Variants in LIMA1 observed in about 807,000 individuals in gnomAD.
The protein encoded by LIMA1 is LIM domain and actin-binding protein 1.
LIMA1 carries 52 observed loss-of-function variants against 62.6 expected under a neutral mutation model. That is an observed-to-expected ratio of 0.83 (90% CI 0.67 to 1.05). The LOEUF (loss-of-function observed/expected upper bound fraction) is 1.05, where lower values mean the gene tolerates loss of function less well. Ranked by LOEUF, LIMA1 falls within the 50% of genes least tolerant of loss-of-function variation. The pLI is 0.00. For missense variants in LIMA1, 780 were observed against 902.2 expected (o/e 0.86, Z 1.74); for synonymous variants, 302 against 317.8 (o/e 0.95, Z 0.53).
At position 50,195,891 on chromosome 12, in the gene LIMA1, CAAAA is replaced by C. The variant is rs373254884; in HGVS notation, c.973-8_973-5del. ...GGCTATTCTCATTTGCAGAAATCTA[CAAAA>C]AAAAAAAAAAAAAAAAAGTTAGAGG... On this transcript the variant is annotated splice_polypyrimidine_tract_variant and splice_region_variant and intron_variant, in intron 7 of 10. Coordinates refer to ENST00000341247, the MANE Select transcript of LIMA1 (RefSeq NM_016357.5). 542 of 1,095,182 alleles carry C rather than the reference CAAAA, an allele frequency of 4.9e-4. No individual in the cohort carries two copies. Among genetic ancestry groups the C allele is most frequent in the African/African-American group, 2.7e-3 (102 of 38,456 alleles). 67.8% of individuals were successfully genotyped at this position (1,095,182 alleles called of 1,614,324 possible).
chr12:50,216,350 G>C (rs867305921), intron 4 of LIMA1, among the ~76,000 whole-genome samples: 1 of 152,010 alleles, frequency 6.6e-6, no homozygotes, highest in South Asian at 2.1e-4. Flanking sequence ...GAGCAGCTGG[G>C]ATTACAGACA....
chr12:50,252,959 A>G (rs12809843), intron 1 of LIMA1, among the ~76,000 whole-genome samples: 3,899 of 152,306 alleles, frequency 0.026, 75 homozygotes, highest in Non-Finnish European at 0.039. Context: ...AGATCCTGAA[A>G]CTAAGTGAGA....
chr12:50,245,704 A>T (rs1941838526), intron 2 of LIMA1, among the ~76,000 whole-genome samples: 2 of 151,368 alleles, frequency 1.3e-5, no homozygotes, highest in Non-Finnish European at 2.9e-5. Context: ...CAGCACCCCC[A>T]GTGAGAAACA....
intron 7 of LIMA1, among the ~76,000 whole-genome samples, chr12:50,200,004 C>G (rs1271023845): frequency 6.6e-6 from 1 of 151,928 alleles, no homozygotes; most frequent in Admixed American, 6.6e-5. Context: ...AGCGATTCAA[C>G]TGTCTCAGCC....
rs887257768 is a variant in LIMA1, at chr12:50,229,923, G to C, written c.165+1742C>G. 5 of 152,564 alleles carry C rather than the reference G, an allele frequency of 3.3e-5. No individual in the cohort carries two copies. In the East Asian group the frequency reaches 9.6e-4, roughly 29 times the overall value. 9.5% of individuals were successfully genotyped at this position (152,564 alleles called of 1,614,324 possible). ...CCCTGGCTCATGTCTTCAAATCTCT[G>C]CTCAAACGTTTCCTCACCACAGGCC... On this transcript the variant is annotated intron_variant, in intron 3 of 10. Transcript: ENST00000341247.
Position 50,176,312 on chromosome 12 carries a change from T to C in LIMA1, c.*752A>G, listed in dbSNP as rs965533513. On this transcript the variant is annotated 3_prime_UTR_variant, in exon 11 of 11. Transcript: ENST00000341247. ...TCAGTAATTATGAGAAGCACAGATATCACCAGAAAAGAAAGCAATCATTTG... is the reference window on the plus strand; with the variant it reads ...TCAGTAATTATGAGAAGCACAGATACCACCAGAAAAGAAAGCAATCATTTG... 6.6e-6 allele frequency: 1 copy of C among 152,178 alleles called. No individual in the cohort carries two copies. Among genetic ancestry groups the C allele is most frequent in the Admixed American group, 6.5e-5 (1 of 15,270 alleles). 9.4% of individuals were successfully genotyped at this position (152,178 alleles called of 1,614,324 possible).
At chr12:50,196,502 G>A (rs1391940769) in intron 7 of LIMA1, among the ~76,000 whole-genome samples, 1 of 152,124 alleles carries the variant, frequency 6.6e-6, no homozygotes, top group Non-Finnish European at 1.5e-5. Context: ...ACGTATAGGT[G>A]TATATATCAT....
Position 50,195,768 on chromosome 12 carries a change from C to G in LIMA1, c.1030+62G>C, listed in dbSNP as rs541384011. On this transcript the variant is annotated intron_variant, in intron 8 of 10. Coordinates refer to ENST00000341247, the MANE Select transcript of LIMA1 (RefSeq NM_016357.5). ...AGCACTGACAGTAATGGGAACACCC[C>G]TGAACCAAATACAGATAGAAAACAA... The G allele has an allele frequency of 1.9e-4, 292 of 1,534,638 alleles. 4 individuals carry two copies. The South Asian group carries it at 3.4e-3, about 18-fold the overall frequency.
chr12:50,240,045 AC>A lies in LIMA1; in HGVS notation c.120-8336del, dbSNP rs879307669. Among the ~76,000 whole-genome samples the A allele has an allele frequency of 4.1e-3, 616 of 150,872 alleles. 8 individuals are homozygous for A. The highest frequency in any genetic ancestry group is 0.038 in the East Asian group (197 of 5,130). On this transcript the variant is annotated intron_variant, in intron 2 of 10. Coordinates refer to ENST00000341247, the MANE Select transcript of LIMA1 (RefSeq NM_016357.5). The stretch of plus-strand genomic sequence containing the variant: ...ACATAACATAACATAACATAACATA[AC>A]ATAACATAACATAAAATAAAAAATT...
rs1229932042 is a variant in LIMA1, at chr12:50,190,804, T to TA, written c.1140+1647dup. 3.5e-3 allele frequency among the ~76,000 whole-genome samples: 418 copies of TA among 119,674 alleles called. 1 individual carries two copies. Among genetic ancestry groups the TA allele is most frequent in the African/African-American group, 0.01 (328 of 31,958 alleles). The allele number at this position is 119,674 out of a possible 152,430, so 78.5% of individuals were successfully genotyped here. ...TGACATTGTTGTAAACAACAGGTCC[T>TA]AAAAAAAAAAAAAAGTGGGAACAAC... is the stretch of plus-strand genomic sequence containing the variant. On this transcript the variant is annotated intron_variant, in intron 9 of 10. Coordinates refer to ENST00000341247, the MANE Select transcript of LIMA1 (RefSeq NM_016357.5).
chr12:50,281,163 T>C (rs1412889807), intron 1 of LIMA1, among the ~76,000 whole-genome samples: 1 of 152,150 alleles, frequency 6.6e-6, no homozygotes, highest in Non-Finnish European at 1.5e-5. Flanking sequence ...TTTGTGTCTG[T>C]GTGTGTGTCT....
chr12:50,267,599 A>C (rs1942155286), intron 1 of LIMA1, among the ~76,000 whole-genome samples: 1 of 151,456 alleles, frequency 6.6e-6, no homozygotes, highest in Non-Finnish European at 1.5e-5. Context: ...GGCTCACTAC[A>C]ACCTCCACTT....
intron 3 of LIMA1, among the ~76,000 whole-genome samples, chr12:50,225,447 ATATG>A (rs1941513275): frequency 6.6e-6 from 1 of 152,090 alleles, no homozygotes; most frequent in African/African-American, 2.4e-5. Context: ...TTTGTACACT[ATATG>A]TATTTTTTTG....
intron 4 of LIMA1, among the ~76,000 whole-genome samples, chr12:50,221,150 A>G (rs1239985217): frequency 6.6e-6 from 1 of 152,154 alleles, no homozygotes; most frequent in Admixed American, 6.6e-5. Context: ...CTTAAAAAAA[A>G]TCCAGCTTTC....
chr12:50,215,914 G>A (rs1941337946), intron 4 of LIMA1, among the ~76,000 whole-genome samples: 1 of 152,058 alleles, frequency 6.6e-6, no homozygotes, highest in South Asian at 2.1e-4. Flanking sequence ...GCCGGACTTC[G>A]TGGTGCACAC....
intron 2 of LIMA1, chr12:50,234,332 C>T: frequency 3.3e-6 from 1 of 299,250 alleles, no homozygotes; most frequent in Non-Finnish European, 6.7e-6. Flanking sequence ...CCTCGGCCTC[C>T]CAAGTAGCTG....
chr12:50,235,406 C>A (rs1941677671), intron 2 of LIMA1, among the ~76,000 whole-genome samples: 1 of 150,470 alleles, frequency 6.6e-6, no homozygotes, highest in African/African-American at 2.4e-5. Context: ...GCTGGGATTA[C>A]AGGTGTGCAC....
At chr12:50,206,556 A>T (rs1257484100) in intron 4 of LIMA1, among the ~76,000 whole-genome samples, 2 of 152,204 alleles carry the variant, frequency 1.3e-5, no homozygotes, top group African/African-American at 4.8e-5. Context: ...AATACAAAGT[A>T]ATTATCCAAA....
chr12:50,237,039 G>C (rs1327934088), intron 2 of LIMA1, among the ~76,000 whole-genome samples: 3 of 152,138 alleles, frequency 2.0e-5, no homozygotes, highest in Non-Finnish European at 4.4e-5. Flanking sequence ...AAGGCATTTT[G>C]TCTATGCCTT....
Sources: gnomAD v4.1 joint callset for allele counts (sites outside exome capture counted in the v4.1 genomes callset) on GRCh38, gnomAD v4.1.1 for gene constraint, MANE v1.5 for transcripts, NCBI Gene and HGNC (gene_info 2026-07-23, HGNC 2026-07-21) for gene names.